Variants in MUC13 observed in about 807,000 individuals in gnomAD.
The protein encoded by MUC13 is mucin-13.
In MUC13, 32 loss-of-function variants were observed where a neutral mutation model predicts 48.3. The observed-to-expected ratio is 0.66, with a 90% CI of 0.50 to 0.89. The LOEUF is 0.89. Among genes scored for constraint, MUC13 ranks in the 40% least tolerant of loss-of-function variants. The probability of loss-of-function intolerance (pLI) is 0.00; values close to 1 mark genes in which losing one functional copy is unlikely to be tolerated. For synonymous variants in MUC13, 199 were observed against 224.9 expected (o/e 0.88, Z 1.03); for missense variants, 571 against 622.8 (o/e 0.92, Z 0.88).
chr3:124,909,485 C>CGT (rs71148156), intron 10 of MUC13, among the ~76,000 whole-genome samples: 1,628 of 148,426 alleles, frequency 0.011, 20 homozygotes, highest in African/African-American at 0.03. Flanking sequence ...TGTGTGCTTG[C>CGT]GTGTGTGTGT....
In MUC13 at chr3:124,927,830, G is replaced by T. The variant is rs529131051; in HGVS notation, c.216C>A (p.Pro72=). 19 of 1,614,058 alleles carry T rather than the reference G, an allele frequency of 1.2e-5. No homozygotes were observed. Among genetic ancestry groups the T allele is most frequent in the South Asian group, 1.1e-4 (10 of 91,070 alleles). Residue 72 remains proline, a synonymous_variant, in exon 2 of 12, where the codon CCC becomes CCA. Transcript: ENST00000616727. ...SFPTATSPAP[P]IISTHSSSTI... is the part of the protein sequence containing the mutation. ...TGGAGGAACTATGTGTACTAATTAT[G>T]GGGGGAGCAGGTGAAGTAGCTGTTG...
intron 3 of MUC13, 146 bp from the exon 4 acceptor site, chr3:124,922,449 T>C: frequency 9.6e-7 from 1 of 1,043,938 alleles, no homozygotes; most frequent in Non-Finnish European, 1.3e-6. Context: ...AAGTTACCCA[T>C]CATCCTGCCC....
chr3:124,931,430 C>CA (rs777579637), intron 1 of MUC13, among the ~76,000 whole-genome samples: 6,334 of 85,704 alleles, frequency 0.074, 161 homozygotes, highest in South Asian at 0.09. Context: ...GACTCTGTCT[C>CA]AAAAAAAAAA....
chr3:124,924,563 G>T (rs1001053429), intron 2 of MUC13, among the ~76,000 whole-genome samples: 2 of 152,192 alleles, frequency 1.3e-5, no homozygotes, highest in Non-Finnish European at 2.9e-5. Flanking sequence ...GGTACAATGT[G>T]TATAACATGC....
intron 1 of MUC13, among the ~76,000 whole-genome samples, chr3:124,933,703 A>G (rs1475017313): frequency 2.0e-5 from 3 of 152,196 alleles, no homozygotes; most frequent in Non-Finnish European, 2.9e-5. Context: ...ATAAGCTTCT[A>G]TACCTCATCA....
At chr3:124,914,424 A>G (rs1270299824) in intron 6 of MUC13, among the ~76,000 whole-genome samples, 1 of 152,038 alleles carries the variant, frequency 6.6e-6, no homozygotes, top group Non-Finnish European at 1.5e-5. Flanking sequence ...GAGAAAAAAA[A>G]AAATGATGAG....
intron 1 of MUC13, among the ~76,000 whole-genome samples, chr3:124,932,247 A>G (rs986366308): frequency 9.9e-5 from 15 of 151,942 alleles, no homozygotes; most frequent in African/African-American, 3.6e-4. Flanking sequence ...TAAACAAAGA[A>G]GAGGAAATCA....
chr3:124,923,127 ACAGT>A (rs1179317429), intron 3 of MUC13, among the ~76,000 whole-genome samples: 1 of 151,226 alleles, frequency 6.6e-6, no homozygotes, highest in Admixed American at 6.6e-5. Flanking sequence ...CAGAACTCAG[ACAGT>A]CAGCCCTCAG....
chr3:124,933,627 C>A (rs548113120), intron 1 of MUC13, among the ~76,000 whole-genome samples: 16 of 152,318 alleles, frequency 1.1e-4, no homozygotes, highest in Non-Finnish European at 1.9e-4. Context: ...TCCTCTTCTC[C>A]CTTCTTCCAT....
At chr3:124,909,103 A>G (rs1579360882) in intron 10 of MUC13, among the ~76,000 whole-genome samples, 1 of 152,162 alleles carries the variant, frequency 6.6e-6, no homozygotes, top group South Asian at 2.1e-4. Flanking sequence ...GCAGCGAGCC[A>G]AGATCATGCC....
At chr3:124,908,052 C>T (rs770885065) in intron 11 of MUC13, 95 bp downstream of exon 11, 85 of 1,198,404 alleles carry the variant, frequency 7.1e-5, no homozygotes, top group East Asian at 1.2e-4. Context: ...AGAAAGCCTG[C>T]GGGGCAGCCA....
At position 124,913,193 on chromosome 3, in the gene MUC13, A is replaced by T. The variant is rs1935454030; in HGVS notation, c.1132T>A (p.Cys378Ser). ...PDACNAQHKQCLIKKSGGAPE... is the reference protein window; with the variant it reads ...PDACNAQHKQSLIKKSGGAPE... ...GCCCCACCACTCTTCTTTATTAAGC[A>T]TTGCTTGTGCTGTGCGTTGCAGGCA... Residue 378 changes from cysteine (C) to serine (S), a missense_variant, in exon 8 of 12, where the codon TGC becomes AGC. Coordinates refer to ENST00000616727, the MANE Select transcript of MUC13 (RefSeq NM_033049.4). 6.2e-7 allele frequency: 1 copy of T among 1,613,940 alleles called. No individual in the cohort carries two copies.
chr3:124,921,304 CA>C (rs1935590323), intron 4 of MUC13, among the ~76,000 whole-genome samples: 1 of 152,058 alleles, frequency 6.6e-6, no homozygotes, highest in Non-Finnish European at 1.5e-5. Flanking sequence ...CGCCTGCCAC[CA>C]CGCCTGGCTA....
chr3:124,918,304 T>C (rs997636266), intron 5 of MUC13, among the ~76,000 whole-genome samples: 3 of 152,174 alleles, frequency 2.0e-5, no homozygotes, highest in Admixed American at 2.0e-4. Flanking sequence ...TGCCCTGCAC[T>C]GGCCCCTGAG....
chr3:124,913,156 G>A lies in MUC13; in HGVS notation c.1169C>T (p.Ala390Val), dbSNP rs148368651. Residue 390 changes from alanine to valine, a missense_variant, in exon 8 of 12, where the codon GCG (alanine) becomes GTG (valine). Physicochemically the swap from Ala to Val is moderately conservative, Grantham distance 64 (BLOSUM62 0). Coordinates refer to ENST00000616727, the MANE Select transcript of MUC13 (RefSeq NM_033049.4). ...IKKSGGAPEC[A>V]CVPGYQEDAN... ...ATCTTCCTGGTAGCCGGGCACGCAC[G>A]CACACTCAGGGGCCCCACCACTCTT... The A allele has an allele frequency of 1.0e-4, 163 of 1,613,978 alleles. No homozygotes were observed. Among genetic ancestry groups the A allele is most frequent in the Middle Eastern group, 1.7e-4 (1 of 6,060 alleles).
chr3:124,920,317 A>C (rs757415104), intron 4 of MUC13, 28 bp from the exon 5 acceptor site: 7 of 1,561,910 alleles, frequency 4.5e-6, no homozygotes, highest in Non-Finnish European at 6.1e-6. Flanking sequence ...TTTAATAACA[A>C]GTAAAAAAAA....
chr3:124,912,701 G>T (rs931495971), intron 8 of MUC13, among the ~76,000 whole-genome samples: 3 of 152,082 alleles, frequency 2.0e-5, no homozygotes, highest in Non-Finnish European at 4.4e-5. Flanking sequence ...ACTTTGGGAG[G>T]CCGAAGCAGG....
intron 9 of MUC13, among the ~76,000 whole-genome samples, chr3:124,910,820 C>G (rs899041574): frequency 3.9e-5 from 6 of 152,220 alleles, no homozygotes; most frequent in African/African-American, 1.4e-4. Flanking sequence ...CTCCTTACCT[C>G]TGCTGCCTTT....
At chr3:124,931,067 AC>A (rs1935786047) in intron 1 of MUC13, among the ~76,000 whole-genome samples, 1 of 152,072 alleles carries the variant, frequency 6.6e-6, no homozygotes. Context: ...CTGAGATGGA[AC>A]TCATGTTTGA....
Sources: gnomAD v4.1 joint callset for allele counts (sites outside exome capture counted in the v4.1 genomes callset) on GRCh38, gnomAD v4.1.1 for gene constraint, MANE v1.5 for transcripts, NCBI Gene and HGNC (gene_info 2026-07-23, HGNC 2026-07-21) for gene names.